Variants in CAMTA1 observed in about 807,000 individuals in gnomAD.
CAMTA1 encodes the protein calmodulin binding transcription activator 1.
A neutral mutation model predicts 170.9 loss-of-function variants in CAMTA1; 27 were observed. That is an observed-to-expected ratio of 0.16 (90% CI 0.12 to 0.22). CAMTA1 has a LOEUF of 0.22. CAMTA1 is among the 10% of genes least tolerant of loss of function. The pLI is 1.00. For synonymous variants in CAMTA1, 833 were observed against 891.5 expected, an observed-to-expected ratio of 0.93 and a Z score of 1.17; for missense variants, 1,619 against 2,217.2, an observed-to-expected ratio of 0.73 and a Z score of 5.42.
chr1:6,944,737 C>T (rs1310378203), intron 3 of CAMTA1, among the ~76,000 whole-genome samples: 1 of 152,244 alleles, frequency 6.6e-6, no homozygotes, highest in Non-Finnish European at 1.5e-5. Flanking sequence ...TGACATACTA[C>T]AGACAGTCTT....
intron 6 of CAMTA1, among the ~76,000 whole-genome samples, chr1:7,491,236 C>T (rs898933059): frequency 8.5e-5 from 13 of 152,088 alleles, no homozygotes; most frequent in Admixed American, 3.9e-4. Flanking sequence ...AAGGCAGAGC[C>T]GGGAGGACTC....
chr1:6,844,644 C>T (rs1657263667), intron 3 of CAMTA1, among the ~76,000 whole-genome samples: 1 of 146,764 alleles, frequency 6.8e-6, no homozygotes, highest in Non-Finnish European at 1.5e-5. Context: ...TGAGATTGTG[C>T]CACTACACTC....
rs970888438 is a variant in CAMTA1, at chr1:6,934,458, A to C, written c.234+109248A>C. On this transcript the variant is annotated intron_variant, in intron 3 of 22. Coordinates refer to ENST00000303635, the MANE Select transcript of CAMTA1 (RefSeq NM_015215.4). This position sits in a 1 kb window ranked among gnomAD's most constrained non-coding sequence, Gnocchi z 4.5. ...TGTGGTGAATGGGTGCCCTGGGAGG[A>C]TGGGTAAGGGCAGGTGTGGGAGGAA... Among the ~76,000 whole-genome samples, 1 of 152,014 alleles carries C rather than the reference A, an allele frequency of 6.6e-6. No homozygotes were observed. Among genetic ancestry groups the C allele is most frequent in the African/African-American group, 2.4e-5 (1 of 41,378 alleles).
At chr1:7,466,689 C>T (rs2093218900) in intron 5 of CAMTA1, among the ~76,000 whole-genome samples, 1 of 152,154 alleles carries the variant, frequency 6.6e-6, no homozygotes, top group Admixed American at 6.5e-5. Context: ...GAGGAACTTT[C>T]CTCCCCTCTA....
chr1:6,832,620 C>T (rs1233022610), intron 3 of CAMTA1, among the ~76,000 whole-genome samples: 1 of 152,006 alleles, frequency 6.6e-6, no homozygotes, highest in African/African-American at 2.4e-5. Flanking sequence ...TGAAAAGCAC[C>T]AGTACTCTAA....
intron 7 of CAMTA1, among the ~76,000 whole-genome samples, chr1:7,647,343 T>C (rs1370709324): frequency 6.6e-6 from 1 of 152,020 alleles, no homozygotes; most frequent in Non-Finnish European, 1.5e-5. Context: ...GATTATAGAA[T>C]ATCAAGAAGG....
At chr1:6,966,433 TACA>T (rs1691560835) in intron 3 of CAMTA1, among the ~76,000 whole-genome samples, 1 of 151,958 alleles carries the variant, frequency 6.6e-6, no homozygotes, top group Admixed American at 6.6e-5. Context: ...AATGGAACCA[TACA>T]GTATTTTTCC....
chr1:7,037,224 T>C (rs955454496), intron 3 of CAMTA1, among the ~76,000 whole-genome samples: 22 of 152,226 alleles, frequency 1.4e-4, no homozygotes, highest in African/African-American at 5.1e-4. Context: ...ATGCTTGAGA[T>C]TGCATGAATG....
chr1:7,537,669 G>C (rs2094565296), intron 6 of CAMTA1, among the ~76,000 whole-genome samples: 1 of 152,156 alleles, frequency 6.6e-6, no homozygotes, highest in African/African-American at 2.4e-5. Context: ...CGTCCTCACT[G>C]ATGAATCTCT....
intron 5 of CAMTA1, among the ~76,000 whole-genome samples, chr1:7,344,354 A>G (rs982233217): frequency 6.6e-6 from 1 of 152,208 alleles, no homozygotes; most frequent in African/African-American, 2.4e-5. Flanking sequence ...GAAGCTCAGA[A>G]TGTCAGTCCT....
intron 6 of CAMTA1, among the ~76,000 whole-genome samples, chr1:7,477,529 T>A (rs1017702913): frequency 6.6e-6 from 1 of 152,164 alleles, no homozygotes; most frequent in Non-Finnish European, 1.5e-5. Context: ...TCAGACATCT[T>A]TGCCTGATTG....
rs374705730 is a variant in CAMTA1, at chr1:7,677,746, C to T, written c.2914+13C>T. 1 of 1,608,730 alleles carries T rather than the reference C, an allele frequency of 6.2e-7. No homozygotes were observed. The highest frequency in any genetic ancestry group is 1.1e-5 in the South Asian group (1 of 90,256). ...CTGTCGTTGGACGGTAAGAACAGTG[C>T]TTGGGTCGTCTTGCCAGGCACCAAG... On this transcript the variant is annotated intron_variant, in intron 11 of 22. Coordinates refer to ENST00000303635, the MANE Select transcript of CAMTA1 (RefSeq NM_015215.4).
At chr1:7,574,383 C>A (rs1037699925) in intron 6 of CAMTA1, among the ~76,000 whole-genome samples, 2 of 152,206 alleles carry the variant, frequency 1.3e-5, no homozygotes, top group Admixed American at 1.3e-4. Flanking sequence ...CATCAGGGAG[C>A]CCTGGCAAGT....
chr1:7,671,650 C>T (rs2096061495), intron 10 of CAMTA1, among the ~76,000 whole-genome samples: 1 of 152,212 alleles, frequency 6.6e-6, no homozygotes, highest in Admixed American at 6.5e-5. Context: ...GCCATCTACC[C>T]TGTGCCCAGA....
intron 3 of CAMTA1, among the ~76,000 whole-genome samples, chr1:6,937,811 T>TCA (rs1557857059): frequency 4.4e-5 from 3 of 68,822 alleles, no homozygotes; most frequent in African/African-American, 1.5e-4. Flanking sequence ...CCATCATCAC[T>TCA]GTCATCACTA....
At chr1:6,798,894 G>A (rs1350574513) in intron 1 of CAMTA1, among the ~76,000 whole-genome samples, 2 of 151,772 alleles carry the variant, frequency 1.3e-5, no homozygotes, top group African/African-American at 2.4e-5. Flanking sequence ...CCACCTCCAC[G>A]CCTGGCTAAA....
At chr1:7,170,056 T>C (rs1649283386) in intron 4 of CAMTA1, among the ~76,000 whole-genome samples, 1 of 152,194 alleles carries the variant, frequency 6.6e-6, no homozygotes, top group Non-Finnish European at 1.5e-5. Context: ...TTTTCCTACT[T>C]TCTATTCTTT....
intron 9 of CAMTA1, among the ~76,000 whole-genome samples, chr1:7,666,540 G>A (rs915601755): frequency 1.3e-5 from 2 of 152,206 alleles, no homozygotes; most frequent in East Asian, 3.9e-4. Flanking sequence ...GGGACAGAGT[G>A]GCCCAGGCTT....
At chr1:7,305,201 G>C (rs1675401134) in intron 5 of CAMTA1, among the ~76,000 whole-genome samples, 1 of 151,830 alleles carries the variant, frequency 6.6e-6, no homozygotes, top group African/African-American at 2.4e-5. Context: ...TATCTATTCT[G>C]TTTCAATGAA....
Sources: gnomAD v4.1 joint callset for allele counts (sites outside exome capture counted in the v4.1 genomes callset) on GRCh38, gnomAD v4.1.1 for gene constraint, Gnocchi (gnomAD v3.1) non-coding constraint, MANE v1.5 for transcripts, NCBI Gene and HGNC (gene_info 2026-07-23, HGNC 2026-07-21) for gene names.